The following PGAP1 variants were observed in gnomAD, a reference collection of about 807,000 sequenced individuals.
PGAP1 encodes GPI inositol-deacylase.
In PGAP1, 76 loss-of-function variants were observed where a neutral mutation model predicts 127.0. The ratio of observed to expected loss-of-function variants is 0.60; its 90% CI spans 0.50 to 0.72. The LOEUF (loss-of-function observed/expected upper bound fraction) is 0.72. Among genes scored for constraint, PGAP1 ranks in the 30% least tolerant of loss-of-function variants. The pLI, the probability that PGAP1 is intolerant of heterozygous loss-of-function variation, is 0.00. For missense variants in PGAP1, 982 were observed against 1,071.3 expected, an observed-to-expected ratio of 0.92 and a Z score of 1.16; for synonymous variants, 362 against 366.5, an observed-to-expected ratio of 0.99 and a Z score of 0.14.
At chr2:196,846,760 C>T (rs369561209) in intron 22 of PGAP1, among the ~76,000 whole-genome samples, 3 of 152,234 alleles carry the variant, frequency 2.0e-5, no homozygotes, top group East Asian at 1.9e-4. Flanking sequence ...AAACTATCTG[C>T]GTAATTTGTC....
intron 7 of PGAP1, 139 bp downstream of exon 7, chr2:196,896,992 G>C: frequency 2.1e-6 from 1 of 477,608 alleles, no homozygotes; most frequent in Non-Finnish European, 3.7e-6. Context: ...TTCCATTTTG[G>C]AACTAATTAA....
intron 2 of PGAP1, among the ~76,000 whole-genome samples, chr2:196,918,934 T>C (rs1228886056): frequency 6.6e-6 from 1 of 152,242 alleles, no homozygotes; most frequent in Non-Finnish European, 1.5e-5. Context: ...CAACAGTTTC[T>C]CATTCAAAGT....
chr2:196,889,590 C>T (rs1167150534), intron 10 of PGAP1, among the ~76,000 whole-genome samples: 2 of 151,588 alleles, frequency 1.3e-5, no homozygotes, highest in Non-Finnish European at 2.9e-5. Flanking sequence ...GGCGCGGTGG[C>T]TCACGCCTGT....
rs1488181217 is a variant in PGAP1, at chr2:196,847,951, A to G, written c.1948T>C (p.Leu650=). The G allele has an allele frequency of 3.8e-6, 6 of 1,574,626 alleles. No homozygotes were observed. The South Asian group carries it at 7.2e-5, about 19-fold the overall frequency. ...DPFVIIIKFL[L]GYKWFKELWD... is the part of the protein sequence containing the mutation. Reference sequence around the variant, plus strand: ...ATCACAGATAATAAAACTTACCCCAACAGAAACTTAATGATAATTACAAAA... The same window carrying G: ...ATCACAGATAATAAAACTTACCCCAGCAGAAACTTAATGATAATTACAAAA... The change falls in exon 21 of 27, where the codon TTG becomes CTG. Residue 650 remains leucine, a synonymous_variant. Transcript: ENST00000354764.
At chr2:196,865,438 C>A (rs1349553599) in intron 19 of PGAP1, among the ~76,000 whole-genome samples, 2 of 152,006 alleles carry the variant, frequency 1.3e-5, no homozygotes, top group African/African-American at 2.4e-5. Context: ...AGTTCTTATC[C>A]CTATTCTATA....
intron 20 of PGAP1, among the ~76,000 whole-genome samples, chr2:196,864,442 T>C (rs1335419278): frequency 2.6e-5 from 4 of 151,458 alleles, no homozygotes; most frequent in Non-Finnish European, 5.9e-5. Flanking sequence ...AGGGCACTAT[T>C]GTTAATTTTT....
At chr2:196,891,440 T>A (rs332298) in intron 9 of PGAP1, among the ~76,000 whole-genome samples, 151,735 of 152,284 alleles carry the variant, frequency 1, 75,595 homozygotes, top group Middle Eastern at 1. Context: ...CTCAGGAACT[T>A]AACTTGAAAT....
intron 20 of PGAP1, among the ~76,000 whole-genome samples, chr2:196,861,686 AC>A (rs1701070572): frequency 6.6e-6 from 1 of 152,094 alleles, no homozygotes; most frequent in Non-Finnish European, 1.5e-5. Context: ...GAAGTCAGGG[AC>A]CCCAAATGGA....
At chr2:196,857,190 C>T (rs1700913704) in intron 20 of PGAP1, among the ~76,000 whole-genome samples, 2 of 152,320 alleles carry the variant, frequency 1.3e-5, no homozygotes, top group South Asian at 4.1e-4. Context: ...TAAACGACTT[C>T]AGCAAAATTT....
Position 196,842,778 on chromosome 2 carries a change from A to C in PGAP1, c.2573T>G (p.Ile858Ser). Residue 858 changes from isoleucine to serine, a missense_variant, in exon 26 of 27, where the codon ATC becomes AGC. Ile to Ser is a moderately radical substitution (Grantham distance 142, BLOSUM62 -2). Coordinates refer to ENST00000354764, the MANE Select transcript of PGAP1 (RefSeq NM_024989.4). ...AAGAATTGCCATAGTCGGAATAAGGATAAATGCCAAAGGTTTACATGGATC... is the reference window on the plus strand; with the variant it reads ...AAGAATTGCCATAGTCGGAATAAGGCTAAATGCCAAAGGTTTACATGGATC... ...NPDPCKPLAF[I>S]LIPTMAILGN... is the part of the protein sequence containing the mutation. 6.3e-7 allele frequency: 1 copy of C among 1,589,096 alleles called. No homozygotes were observed. Among genetic ancestry groups the C allele is most frequent in the Non-Finnish European group, 8.6e-7 (1 of 1,164,324 alleles).
rs776552606 is a variant in PGAP1 at position 196,885,902 on chromosome 2, C to G, written c.1174-22G>C. ...TATCCTGTTGATGAACAGCACAAAA[C>G]AAAACACACTAAGTATTGTAGAAAA... is the stretch of plus-strand genomic sequence containing the variant. On this transcript the variant is annotated intron_variant, in intron 10 of 26. Transcript: ENST00000354764. The G allele has an allele frequency of 4.2e-5, 58 of 1,365,520 alleles. No individual in the cohort carries two copies. In the South Asian group the frequency reaches 1.2e-3, roughly 29 times the overall value. The allele number at this position is 1,365,520 out of a possible 1,614,324, so 84.6% of individuals were successfully genotyped here.
At chr2:196,865,974 G>C (rs547360370) in intron 19 of PGAP1, among the ~76,000 whole-genome samples, 116 of 152,184 alleles carry the variant, frequency 7.6e-4, no homozygotes, top group African/African-American at 2.7e-3. Context: ...AATAAGAGAG[G>C]ACACAAATAA....
chr2:196,889,630 G>T lies in PGAP1; in HGVS notation c.1173+1198C>A, dbSNP rs1702031272. 5.9e-5 allele frequency among the ~76,000 whole-genome samples: 9 copies of T among 152,028 alleles called. No individual in the cohort carries two copies. The South Asian group carries it at 1.9e-3, about 32-fold the overall frequency. On this transcript the variant is annotated intron_variant, in intron 10 of 26. Transcript: ENST00000354764. ...CCAGCACTTTGGGAGGCCGAGGCGG[G>T]CGGATCACGAGGTCAGGAGATCGAG...
At chr2:196,878,464 A>G (rs888674110) in intron 13 of PGAP1, among the ~76,000 whole-genome samples, 1 of 152,162 alleles carries the variant, frequency 6.6e-6, no homozygotes, top group Non-Finnish European at 1.5e-5. Context: ...GCGCGTCCTC[A>G]TTATTATAGC....
At chr2:196,871,736 C>T (rs753765902) in intron 18 of PGAP1, among the ~76,000 whole-genome samples, 1 of 152,116 alleles carries the variant, frequency 6.6e-6, no homozygotes, top group Non-Finnish European at 1.5e-5. Context: ...CCTAGTTTAT[C>T]CTTGAAAAGT....
chr2:196,888,139 C>T (rs572816207), intron 10 of PGAP1, among the ~76,000 whole-genome samples: 29 of 152,206 alleles, frequency 1.9e-4, no homozygotes, highest in African/African-American at 6.5e-4. Flanking sequence ...AAAAGGTGAA[C>T]TAATTACAAA....
intron 19 of PGAP1, among the ~76,000 whole-genome samples, chr2:196,867,344 A>G (rs1356985486): frequency 6.6e-6 from 1 of 152,210 alleles, no homozygotes; most frequent in African/African-American, 2.4e-5. Context: ...ATGAAGCTGG[A>G]AATCATCATT....
Position 196,885,829 on chromosome 2 carries a change from CT to C in PGAP1, c.1220+4del. The stretch of plus-strand genomic sequence containing the variant: ...GATAAATGAACATGCATTCAAAAGA[CT>C]TACCACATAGAAGTGCTGTTTATGC... On this transcript the variant is annotated splice_donor_region_variant and intron_variant, in intron 11 of 26. Transcript: ENST00000354764. The C allele has an allele frequency of 7.1e-7, 1 of 1,407,440 alleles. No individual in the cohort carries two copies. Among genetic ancestry groups the C allele is most frequent in the Non-Finnish European group, 9.3e-7 (1 of 1,076,014 alleles). The allele number at this position is 1,407,440 out of a possible 1,614,324, so 87.2% of individuals were successfully genotyped here.
intron 12 of PGAP1, among the ~76,000 whole-genome samples, chr2:196,883,939 G>T (rs1247272073): frequency 6.6e-6 from 1 of 152,076 alleles, no homozygotes; most frequent in Non-Finnish European, 1.5e-5. Context: ...TTCAGCATTT[G>T]CCATGAAAAG....
Sources: allele counts gnomAD v4.1 joint callset (sites outside exome capture counted in the v4.1 genomes callset), GRCh38; gene constraint gnomAD v4.1.1; transcripts MANE v1.5; gene names NCBI Gene and HGNC (gene_info 2026-07-23, HGNC 2026-07-21).